The following ESR1 variants were observed in gnomAD, a reference collection of about 807,000 sequenced individuals.
The protein encoded by ESR1 is estrogen receptor.
ESR1 carries 12 observed loss-of-function variants against 52.7 expected under a neutral mutation model. The ratio of observed to expected loss-of-function variants is 0.23; its 90% CI spans 0.15 to 0.37. The LOEUF is 0.37. Ranked by LOEUF, ESR1 falls within the 10% of genes least tolerant of loss-of-function variation. The probability of loss-of-function intolerance (pLI) is 1.00; values close to 1 mark genes in which losing one functional copy is unlikely to be tolerated. For synonymous variants in ESR1, 305 were observed against 316.8 expected (o/e 0.96, Z 0.39); for missense variants, 584 against 779.7 (o/e 0.75, Z 2.99).
intron 4 of ESR1, among the ~76,000 whole-genome samples, chr6:152,010,116 ACT>A (rs1168404690): frequency 6.6e-6 from 1 of 152,012 alleles, no homozygotes; most frequent in Non-Finnish European, 1.5e-5. Context: ...AGGGCCATAG[ACT>A]CTGAGGTCTG....
chr6:151,944,201 A>G lies in ESR1; in HGVS notation c.789A>G (p.Arg263=), dbSNP rs747881506. ...GGIRKDRRGG[R]MLKHKRQRDD... ...TACGAAAAGACCGAAGAGGAGGGAGAATGTTGAAACACAAGCGCCAGAGAG... is the reference window on the plus strand; with the variant it reads ...TACGAAAAGACCGAAGAGGAGGGAGGATGTTGAAACACAAGCGCCAGAGAG... Residue 263 remains arginine (R), a synonymous_variant, in exon 4 of 8, where the codon AGA becomes AGG. Coordinates refer to ENST00000206249, the MANE Select transcript of ESR1 (RefSeq NM_000125.4). 5.6e-6 allele frequency: 9 copies of G among 1,613,952 alleles called. No homozygotes were observed. Among genetic ancestry groups the G allele is most frequent in the Non-Finnish European group, 7.6e-6 (9 of 1,180,020 alleles).
chr6:151,712,490 A>G (rs923846771), intron 2 of ESR1, among the ~76,000 whole-genome samples: 4 of 151,950 alleles, frequency 2.6e-5, no homozygotes, highest in African/African-American at 9.7e-5. Context: ...ATGTTTTTCC[A>G]TTTCTTTGTG....
At chr6:152,028,085 A>G (rs1331549303) in intron 5 of ESR1, among the ~76,000 whole-genome samples, 1 of 152,146 alleles carries the variant, frequency 6.6e-6, no homozygotes, top group African/African-American at 2.4e-5. Context: ...CAGAGCTTGC[A>G]GTGAGCCAAG....
intron 2 of ESR1, among the ~76,000 whole-genome samples, chr6:151,846,312 T>C (rs567740671): frequency 1.7e-4 from 26 of 152,364 alleles, no homozygotes; most frequent in African/African-American, 6.0e-4. Flanking sequence ...CTTTATACTT[T>C]AAAAGCATTT....
At chr6:152,036,337 G>A (rs1188451099) in intron 5 of ESR1, among the ~76,000 whole-genome samples, 1 of 152,144 alleles carries the variant, frequency 6.6e-6, no homozygotes, top group Non-Finnish European at 1.5e-5. Flanking sequence ...TCCAGCCTGG[G>A]CAACAGTGCG....
At chr6:151,709,336 G>T (rs1477111350) in intron 2 of ESR1, among the ~76,000 whole-genome samples, 1 of 152,058 alleles carries the variant, frequency 6.6e-6, no homozygotes, top group Non-Finnish European at 1.5e-5. Context: ...AGGCTGAATG[G>T]TATTCCACTG....
At chr6:151,921,655 A>C (rs1403847020) in intron 3 of ESR1, among the ~76,000 whole-genome samples, 1 of 152,112 alleles carries the variant, frequency 6.6e-6, no homozygotes, top group Non-Finnish European at 1.5e-5. Flanking sequence ...ATGGTATCTC[A>C]TTGTGGTTTT....
chr6:151,836,377 G>A (rs1259048009), intron 1 of ESR1, among the ~76,000 whole-genome samples: 1 of 152,094 alleles, frequency 6.6e-6, no homozygotes. Context: ...GTCTTACATG[G>A]CAATAGAGTG....
chr6:152,077,776 T>G (rs1443285301), intron 6 of ESR1, among the ~76,000 whole-genome samples: 1 of 152,196 alleles, frequency 6.6e-6, no homozygotes, highest in Non-Finnish European at 1.5e-5. Context: ...CCCCTTTGTT[T>G]TGGCCAATTT....
chr6:152,034,366 A>G (rs939048249), intron 5 of ESR1, among the ~76,000 whole-genome samples: 3 of 152,168 alleles, frequency 2.0e-5, no homozygotes, highest in Non-Finnish European at 4.4e-5. Context: ...GGGCCTGTTC[A>G]TACATACAAA....
intron 1 of ESR1, 83 bp downstream of exon 1, chr6:151,808,447 A>AGGGAGCTGC (rs1211379959): frequency 6.8e-6 from 8 of 1,179,150 alleles, no homozygotes; most frequent in Non-Finnish European, 8.8e-6. Context: ...GGGAGAGCCT[A>AGGGAGCTGC]GGGAGCTGCG....
rs372902689 is a variant in ESR1 at position 152,002,245 on chromosome 6, T to G, written c.1097-9411T>G. On this transcript the variant is annotated intron_variant, in intron 4 of 7. Coordinates refer to ENST00000206249, the MANE Select transcript of ESR1 (RefSeq NM_000125.4). The stretch of plus-strand genomic sequence containing the variant: ...GTGGAATATCTCACTAAAACGACAG[T>G]GTTGTCATCAATTTTGGCTTCATGG... 3.4e-5 allele frequency among the ~76,000 whole-genome samples: 5 copies of G among 148,794 alleles called. No homozygotes were observed. In the South Asian group the frequency reaches 1.1e-3, roughly 32 times the overall value.
At chr6:151,734,467 A>T (rs1385071387) in intron 2 of ESR1, among the ~76,000 whole-genome samples, 1 of 152,140 alleles carries the variant, frequency 6.6e-6, no homozygotes, top group Non-Finnish European at 1.5e-5. Flanking sequence ...GCTTCCCAGC[A>T]TCTAGCTGAC....
intron 2 of ESR1, among the ~76,000 whole-genome samples, chr6:151,704,627 C>A (rs1455724680): frequency 6.6e-6 from 1 of 152,148 alleles, no homozygotes; most frequent in Non-Finnish European, 1.5e-5. Context: ...TGTCTGGAGT[C>A]AGTGAGCTCA....
intron 5 of ESR1, among the ~76,000 whole-genome samples, chr6:152,014,020 C>G (rs1377696573): frequency 6.6e-6 from 1 of 152,062 alleles, no homozygotes; most frequent in Admixed American, 6.6e-5. Flanking sequence ...TTCCCTTGCT[C>G]CTCTCATGAC....
chr6:151,791,063 G>C (rs1166306607), intron 2 of ESR1, among the ~76,000 whole-genome samples: 1 of 152,154 alleles, frequency 6.6e-6, no homozygotes, highest in Non-Finnish European at 1.5e-5. Flanking sequence ...TGAATAGAAA[G>C]AGCACCTCCC....
At chr6:152,042,724 T>C (rs889077603) in intron 5 of ESR1, among the ~76,000 whole-genome samples, 1 of 152,232 alleles carries the variant, frequency 6.6e-6, no homozygotes, top group East Asian at 1.9e-4. Flanking sequence ...TTTCTGCTTA[T>C]ATAAATTAAG....
chr6:151,924,853 C>A (rs1044494722), intron 3 of ESR1, among the ~76,000 whole-genome samples: 1 of 151,978 alleles, frequency 6.6e-6, no homozygotes, highest in African/African-American at 2.4e-5. Context: ...TTAAACCCTG[C>A]ATACCATTGA....
At chr6:151,716,180 G>C (rs1432356908) in intron 2 of ESR1, among the ~76,000 whole-genome samples, 3 of 152,170 alleles carry the variant, frequency 2.0e-5, no homozygotes, top group African/African-American at 4.8e-5. Context: ...AGCAAAGATT[G>C]CTGCCTGTTC....
Sources: gnomAD v4.1 joint callset for allele counts (sites outside exome capture counted in the v4.1 genomes callset) on GRCh38, gnomAD v4.1.1 for gene constraint, MANE v1.5 for transcripts, NCBI Gene and HGNC (gene_info 2026-07-23, HGNC 2026-07-21) for gene names.